Variants in SPI1 observed in about 807,000 individuals in gnomAD.
SPI1 encodes the protein transcription factor PU.1.
Under a neutral mutation model 30.7 loss-of-function variants are expected in SPI1, and 3 were observed. That is an observed-to-expected ratio of 0.10 (90% confidence interval 0.04 to 0.25). The LOEUF (loss-of-function observed/expected upper bound fraction) is 0.25, where lower values mean the gene tolerates loss of function less well. SPI1 is among the 10% of genes least tolerant of loss of function. SPI1 has a pLI of 1.00. For synonymous variants in SPI1, 169 were observed against 157.1 expected (o/e 1.08, Z -0.56); for missense variants, 261 against 371.5 (o/e 0.70, Z 2.45).
At chr11:47,362,447 T>C (rs4752826) in intron 2 of SPI1, among the ~76,000 whole-genome samples, 151,549 of 152,250 alleles carry the variant, frequency 1, 75,429 homozygotes, top group Middle Eastern at 1. Flanking sequence ...TGGCACACAC[T>C]TCTAGTCCCA....
In SPI1 at chr11:47,378,311, G is replaced by C. The variant is rs771555522; in HGVS notation, c.43C>G (p.Pro15Ala). The C allele has an allele frequency of 3.2e-5, 52 of 1,613,438 alleles. No individual in the cohort carries two copies. Among genetic ancestry groups the C allele is most frequent in the East Asian group, 1.8e-4 (8 of 44,882 alleles). ...CKMEGFPLVP[P>A]PSEDLVPYDT... ...GGTGGAGGAGTCCCGGTACTCACAG[G>C]GGGGACGAGGGGAAACCCTTCCATT... Residue 15 changes from proline to alanine, a missense_variant and splice_region_variant, in exon 1 of 5, where the codon CCT (proline) becomes GCT (alanine). Coordinates refer to ENST00000378538, the MANE Select transcript of SPI1 (RefSeq NM_003120.3).
At chr11:47,368,762 G>T (rs572114480) in intron 2 of SPI1, among the ~76,000 whole-genome samples, 2 of 152,256 alleles carry the variant, frequency 1.3e-5, no homozygotes, top group African/African-American at 2.4e-5. Context: ...CAGAGGCTGG[G>T]GGGAGGGAAA....
At chr11:47,357,523 C>T (rs2095913276) in intron 4 of SPI1, among the ~76,000 whole-genome samples, 1 of 152,112 alleles carries the variant, frequency 6.6e-6, no homozygotes, top group Admixed American at 6.6e-5. Flanking sequence ...GCAGCTCACA[C>T]TCATGCATGC....
chr11:47,357,040 C>G (rs1415422148), intron 4 of SPI1, among the ~76,000 whole-genome samples: 1 of 151,636 alleles, frequency 6.6e-6, no homozygotes, highest in Middle Eastern at 3.2e-3. Flanking sequence ...CTCACACACA[C>G]TTATGCTTAC....
At chr11:47,376,005 ACACT>A (rs932828285) in intron 1 of SPI1, among the ~76,000 whole-genome samples, 1 of 149,734 alleles carries the variant, frequency 6.7e-6, no homozygotes, top group Non-Finnish European at 1.5e-5. Flanking sequence ...GCTCACACTC[ACACT>A]CACGCCTGTG....
At position 47,359,862 on chromosome 11, in the gene SPI1, A is replaced by C; in HGVS notation, c.321T>G (p.Leu107=). 6.2e-7 allele frequency: 1 copy of C among 1,605,508 alleles called. No homozygotes were observed. Among genetic ancestry groups the C allele is most frequent in the Non-Finnish European group, 8.5e-7 (1 of 1,179,738 alleles). Reference sequence around the variant, plus strand: ...AGGCGGTGGCATGCACCTGGTGGCCAAGACTGGGATGGGGTGGCACCATGG... The same window carrying C: ...AGGCGGTGGCATGCACCTGGTGGCCCAGACTGGGATGGGGTGGCACCATGG... The part of the protein sequence containing the change: ...DTPMVPPHPS[L]GHQVSYLPRM... Residue 107 remains leucine, a synonymous_variant, in exon 3 of 5, where the codon CTT becomes CTG. Coordinates refer to ENST00000378538, the MANE Select transcript of SPI1 (RefSeq NM_003120.3). The surrounding 1 kb of genome is among the most constrained non-coding windows in gnomAD (Gnocchi z 5.1).
intron 2 of SPI1, among the ~76,000 whole-genome samples, chr11:47,369,545 CAAA>C (rs1172503191): frequency 2.8e-5 from 2 of 71,890 alleles, no homozygotes; most frequent in Non-Finnish European, 5.7e-5. Flanking sequence ...AGAAAGAAAA[CAAA>C]AGAGAGAGAG....
chr11:47,359,995 T>C lies in SPI1; in HGVS notation c.188A>G (p.Glu63Gly). 1 of 1,602,500 alleles carries C rather than the reference T, an allele frequency of 6.2e-7. No homozygotes were observed. The highest frequency in any genetic ancestry group is 1.1e-5 in the South Asian group (1 of 90,138). The stretch of plus-strand genomic sequence containing the variant: ...CGTGAAGTTGTTCTCGGCGAAGCTC[T>C]CGAACTCGCTGTGCACGTGGTGGGG... ...FHPHHVHSEF[E>G]SFAENNFTEL... Residue 63 changes from glutamate (E) to glycine (G), a missense_variant, in exon 3 of 5, where the codon GAG becomes GGG. Around this residue, in one of 5 missense-constraint regions of SPI1, gnomAD observed 78 missense variants for 93.2 expected, o/e 0.84. Transcript: ENST00000378538. This position sits in a 1 kb window ranked among gnomAD's most constrained non-coding sequence, Gnocchi z 5.1.
intron 2 of SPI1, among the ~76,000 whole-genome samples, chr11:47,370,306 A>C (rs1050531660): frequency 1.6e-4 from 23 of 147,554 alleles, no homozygotes; most frequent in African/African-American, 5.0e-4. Flanking sequence ...AGGAGGCTGA[A>C]GCAGGAGAAT....
intron 2 of SPI1, among the ~76,000 whole-genome samples, chr11:47,363,829 G>A (rs1006797096): frequency 2.0e-4 from 31 of 151,516 alleles, no homozygotes; most frequent in Non-Finnish European, 2.1e-4. Context: ...GGGCCTGATG[G>A]CAGGTGCCTG....
Position 47,374,097 on chromosome 11 carries a change from G to A in SPI1, c.142+1536C>T, listed in dbSNP as rs1385228233. Among the ~76,000 whole-genome samples the A allele has an allele frequency of 1.3e-5, 2 of 152,170 alleles. No homozygotes were observed. Among genetic ancestry groups the A allele is most frequent in the Non-Finnish European group, 2.9e-5 (2 of 68,038 alleles). On this transcript the variant is annotated intron_variant, in intron 2 of 4. Coordinates refer to ENST00000378538, the MANE Select transcript of SPI1 (RefSeq NM_003120.3). The surrounding 1 kb of genome is among the most constrained non-coding windows in gnomAD (Gnocchi z 4.5). Reference sequence around the variant, plus strand: ...GTGGTGACCCGAGCCACCAGGGGGCGCCTGTCCCAGGGCCCAGCGGGACCT... The same window carrying A: ...GTGGTGACCCGAGCCACCAGGGGGCACCTGTCCCAGGGCCCAGCGGGACCT...
rs1026547145 is a variant in SPI1, at chr11:47,359,624, G to A, written c.330+229C>T. 6.6e-6 allele frequency among the ~76,000 whole-genome samples: 1 copy of A among 151,922 alleles called. No homozygotes were observed. The highest frequency in any genetic ancestry group is 6.6e-5 in the Admixed American group (1 of 15,252). On this transcript the variant is annotated intron_variant, in intron 3 of 4. Transcript: ENST00000378538. The surrounding 1 kb of genome is among the most constrained non-coding windows in gnomAD (Gnocchi z 5.1). ...GGATGGGGAGGCTTGGTGAGGGTGCGAGAATTATCTGGGGTCTGTCCATAC... is the reference window on the plus strand; with the variant it reads ...GGATGGGGAGGCTTGGTGAGGGTGCAAGAATTATCTGGGGTCTGTCCATAC...
intron 2 of SPI1, among the ~76,000 whole-genome samples, chr11:47,371,124 G>C (rs1019884586): frequency 2.6e-5 from 4 of 151,952 alleles, no homozygotes; most frequent in African/African-American, 4.8e-5. Flanking sequence ...ACTTTGGGAG[G>C]CCAAGGCGGG....
chr11:47,371,798 T>C (rs1007192165), intron 2 of SPI1, among the ~76,000 whole-genome samples: 1 of 152,228 alleles, frequency 6.6e-6, no homozygotes, highest in Non-Finnish European at 1.5e-5. Context: ...GTGTGTATGA[T>C]AAAATCCAAA....
chr11:47,367,849 C>G (rs1189065989), intron 2 of SPI1, among the ~76,000 whole-genome samples: 3 of 146,868 alleles, frequency 2.0e-5, no homozygotes, highest in African/African-American at 7.5e-5. Context: ...GCTCCACCTC[C>G]CAGGTTCACA....
chr11:47,364,879 A>G (rs985827586), intron 2 of SPI1, among the ~76,000 whole-genome samples: 1 of 152,126 alleles, frequency 6.6e-6, no homozygotes, highest in African/African-American at 2.4e-5. Context: ...CTCTGCATCT[A>G]AAGCCACCCA....
chr11:47,356,892 A>G (rs1206237956), intron 4 of SPI1, among the ~76,000 whole-genome samples: 2 of 143,764 alleles, frequency 1.4e-5, no homozygotes, highest in South Asian at 2.3e-4. Flanking sequence ...CTACACACAC[A>G]CGCCCCTGCT....
intron 4 of SPI1, among the ~76,000 whole-genome samples, chr11:47,357,115 TCACATGCTCACACCTCA>T (rs1191419887): frequency 4.0e-5 from 6 of 148,262 alleles, no homozygotes; most frequent in African/African-American, 7.5e-5. Context: ...TCACACCCAC[TCACATGCTCACACCTCA>T]CACATGCTCA....
At chr11:47,355,732 A>T (rs71475909) in intron 4 of SPI1, among the ~76,000 whole-genome samples, 186 bp from the exon 5 acceptor site, 2 of 150,978 alleles carry the variant, frequency 1.3e-5, no homozygotes, top group Non-Finnish European at 3.0e-5. Flanking sequence ...ATGCTTGCGC[A>T]CACACAGGCG....
Sources: allele counts gnomAD v4.1 joint callset (sites outside exome capture counted in the v4.1 genomes callset), GRCh38; gene constraint gnomAD v4.1.1; regional missense constraint gnomAD v4.1.1; non-coding constraint Gnocchi (gnomAD v3.1); transcripts MANE v1.5; gene names NCBI Gene and HGNC (gene_info 2026-07-23, HGNC 2026-07-21).